FHIP1A: variants seen among roughly 807,000 people sequenced by gnomAD.
FHIP1A encodes the protein FHF complex subunit HOOK interacting protein 1A.
A neutral mutation model predicts 88.6 loss-of-function variants in FHIP1A; 61 were observed. The ratio of observed to expected loss-of-function variants is 0.69; its 90% CI spans 0.56 to 0.85. FHIP1A has a LOEUF of 0.85. Among genes scored for constraint, FHIP1A ranks in the 40% least tolerant of loss-of-function variants. FHIP1A has a pLI of 0.00. For missense variants in FHIP1A, 1,154 were observed against 1,273.5 expected (o/e 0.91, Z 1.43); for synonymous variants, 478 against 496.0 (o/e 0.96, Z 0.48).
intron 3 of FHIP1A, among the ~76,000 whole-genome samples, chr4:151,511,326 C>T (rs963807140): frequency 1.3e-5 from 2 of 152,142 alleles, no homozygotes; most frequent in Non-Finnish European, 2.9e-5. Context: ...GAATAGGAAC[C>T]GCTCCGGTCT....
chr4:151,584,362 A>C (rs1193235044), intron 5 of FHIP1A, among the ~76,000 whole-genome samples: 2 of 152,218 alleles, frequency 1.3e-5, no homozygotes, highest in South Asian at 2.1e-4. Flanking sequence ...TGCTACACAG[A>C]GGGATACAGA....
chr4:151,599,749 G>A (rs1200925557), intron 7 of FHIP1A, among the ~76,000 whole-genome samples: 1 of 152,116 alleles, frequency 6.6e-6, no homozygotes, highest in Non-Finnish European at 1.5e-5. Context: ...CCCTGTAGTT[G>A]GAAGTCTGCA....
intron 2 of FHIP1A, among the ~76,000 whole-genome samples, chr4:151,472,622 GTT>G (rs5862961): frequency 4.6e-4 from 60 of 131,454 alleles, no homozygotes; most frequent in Middle Eastern, 4.3e-3. Context: ...TTGCCTTGCT[GTT>G]TTTTTTTTTT....
chr4:151,418,183 A>AAAC (rs1213142571), intron 1 of FHIP1A, among the ~76,000 whole-genome samples: 1 of 151,060 alleles, frequency 6.6e-6, no homozygotes, highest in Non-Finnish European at 1.5e-5. Context: ...AAAAAAAAAA[A>AAAC]AAAAAAAAAA....
chr4:151,611,284 T>G (rs1477023513), intron 7 of FHIP1A, among the ~76,000 whole-genome samples: 2 of 152,202 alleles, frequency 1.3e-5, no homozygotes, highest in East Asian at 3.8e-4. Context: ...GTAGGTGCTC[T>G]ATGTTAGTAA....
At chr4:151,489,380 C>A (rs1259544699) in intron 3 of FHIP1A, among the ~76,000 whole-genome samples, 3 of 152,152 alleles carry the variant, frequency 2.0e-5, no homozygotes, top group Admixed American at 1.3e-4. Context: ...GGGGAGGGGC[C>A]ACAGAGTGAA....
chr4:151,474,483 T>G (rs1729632697), intron 2 of FHIP1A, among the ~76,000 whole-genome samples: 1 of 152,206 alleles, frequency 6.6e-6, no homozygotes, highest in Non-Finnish European at 1.5e-5. Context: ...TCGCTTGACG[T>G]TGTCTGAAGG....
chr4:151,616,687 T>C (rs1438214298), intron 7 of FHIP1A, among the ~76,000 whole-genome samples: 1 of 151,854 alleles, frequency 6.6e-6, no homozygotes, highest in African/African-American at 2.4e-5. Context: ...CCTGACCTCA[T>C]GATCCACCCA....
At chr4:151,413,690 A>G (rs865919299) in intron 1 of FHIP1A, among the ~76,000 whole-genome samples, 3 of 151,844 alleles carry the variant, frequency 2.0e-5, no homozygotes, top group Non-Finnish European at 4.4e-5. Context: ...CCTGGCCTCA[A>G]GTGATCCGCC....
chr4:151,535,757 T>C (rs966672077), intron 3 of FHIP1A, among the ~76,000 whole-genome samples: 10 of 152,364 alleles, frequency 6.6e-5, no homozygotes, highest in African/African-American at 2.4e-4. Context: ...TGAATAAATA[T>C]TTGTGGAACA....
At chr4:151,472,509 A>G (rs1044166050) in intron 2 of FHIP1A, among the ~76,000 whole-genome samples, 1 of 152,136 alleles carries the variant, frequency 6.6e-6, no homozygotes, top group African/African-American at 2.4e-5. Context: ...CATGTAAACA[A>G]ATATTAATAG....
At chr4:151,568,405 T>C (rs1166266775) in intron 4 of FHIP1A, among the ~76,000 whole-genome samples, 1 of 152,234 alleles carries the variant, frequency 6.6e-6, no homozygotes, top group Non-Finnish European at 1.5e-5. Flanking sequence ...TTAACCTTTT[T>C]TTAGGCTTGA....
Position 151,656,073 on chromosome 4 carries a change from T to C in FHIP1A, c.2552-159T>C, listed in dbSNP as rs1268949666. ...CATGGTGGTTTGTTTTCCGTTTTGG[T>C]TTTGAGGCAGGAGAAAACGTGGCCA... is the stretch of plus-strand genomic sequence containing the variant. On this transcript the variant is annotated intron_variant, in intron 11 of 13. Coordinates refer to ENST00000435205, the MANE Select transcript of FHIP1A (RefSeq NM_001109977.3). The surrounding 1 kb of genome is among the most constrained non-coding windows in gnomAD (Gnocchi z 4.2). Among the ~76,000 whole-genome samples, 1 of 152,030 alleles carries C rather than the reference T, an allele frequency of 6.6e-6. No homozygotes were observed.
At chr4:151,618,599 A>G (rs1037142986) in intron 7 of FHIP1A, among the ~76,000 whole-genome samples, 24 of 152,284 alleles carry the variant, frequency 1.6e-4, no homozygotes, top group African/African-American at 5.5e-4. Context: ...GTGCTCGCCA[A>G]AATCTGTGGA....
At chr4:151,599,244 T>C (rs895648848) in intron 7 of FHIP1A, among the ~76,000 whole-genome samples, 1 of 152,238 alleles carries the variant, frequency 6.6e-6, no homozygotes, top group African/African-American at 2.4e-5. Flanking sequence ...AAACTGGTTA[T>C]TTATGACTTC....
chr4:151,596,931 T>C (rs554794921), intron 7 of FHIP1A, among the ~76,000 whole-genome samples: 2 of 152,268 alleles, frequency 1.3e-5, no homozygotes, highest in Non-Finnish European at 2.9e-5. Context: ...CCTCTACGCT[T>C]TTTTCAAGGT....
At chr4:151,485,621 C>T (rs1169304187) in intron 3 of FHIP1A, among the ~76,000 whole-genome samples, 2 of 149,210 alleles carry the variant, frequency 1.3e-5, no homozygotes. Context: ...GACAAATCCT[C>T]ACTCTGGTTG....
intron 3 of FHIP1A, among the ~76,000 whole-genome samples, chr4:151,492,317 T>A (rs2126648971): frequency 6.6e-6 from 1 of 152,176 alleles, no homozygotes; most frequent in Non-Finnish European, 1.5e-5. Context: ...TCCCAGCCAC[T>A]TTGGGATTAC....
At chr4:151,609,285 T>A (rs1026950325) in intron 7 of FHIP1A, among the ~76,000 whole-genome samples, 17 of 152,202 alleles carry the variant, frequency 1.1e-4, no homozygotes, top group Admixed American at 2.0e-4. Context: ...TGAAGTTACA[T>A]AATAAAGATG....
Sources: gnomAD v4.1 joint callset for allele counts (sites outside exome capture counted in the v4.1 genomes callset) on GRCh38, gnomAD v4.1.1 for gene constraint, Gnocchi (gnomAD v3.1) non-coding constraint, MANE v1.5 for transcripts, NCBI Gene and HGNC (gene_info 2026-07-23, HGNC 2026-07-21) for gene names.